The following VPS52 variants were observed in gnomAD, a reference collection of about 807,000 sequenced individuals.
VPS52 encodes the protein VPS52 subunit of GARP complex.
Under a neutral mutation model 98.7 loss-of-function variants are expected in VPS52, and 56 were observed. The observed-to-expected ratio is 0.57, with a 90% CI of 0.46 to 0.71. VPS52 has a LOEUF of 0.71. Among genes scored for constraint, VPS52 ranks in the 30% least tolerant of loss-of-function variants. VPS52 has a pLI of 0.00. For synonymous variants in VPS52, 348 were observed against 346.4 expected, an observed-to-expected ratio of 1.00 and a Z score of -0.05; for missense variants, 742 against 925.9, an observed-to-expected ratio of 0.80 and a Z score of 2.58.
rs1762119729 is a variant in VPS52 at position 33,250,767 on chromosome 6, G to T, written c.*74C>A. 5.8e-6 allele frequency: 9 copies of T among 1,551,522 alleles called. No individual in the cohort carries two copies. The highest frequency in any genetic ancestry group is 3.5e-6 in the Non-Finnish European group (4 of 1,146,574). The stretch of plus-strand genomic sequence containing the variant: ...GGGAAAACTGGAAGGGGTACCCCAG[G>T]TGAAGAAGGGTATGGAATGGGGTGC... On this transcript the variant is annotated 3_prime_UTR_variant, in exon 20 of 20. Transcript: ENST00000445902.
In VPS52 at chr6:33,267,358, A is replaced by G. The variant is rs1764460695; in HGVS notation, c.992-37T>C. The G allele has an allele frequency of 2.0e-6, 3 of 1,535,518 alleles. No homozygotes were observed. The highest frequency in any genetic ancestry group is 1.3e-5 in the South Asian group (1 of 77,778). ...CAGAGTCAGGGAAAACAATGAGACC[A>G]TAACTGGGCCCAAAGACTCACTATC... On this transcript the variant is annotated intron_variant, in intron 10 of 19. Coordinates refer to ENST00000445902, the MANE Select transcript of VPS52 (RefSeq NM_022553.6). The surrounding 1 kb of genome is among the most constrained non-coding windows in gnomAD (Gnocchi z 4.2).
intron 17 of VPS52, among the ~76,000 whole-genome samples, chr6:33,253,731 G>A (rs1159451504): frequency 6.6e-6 from 1 of 151,984 alleles, no homozygotes; most frequent in Non-Finnish European, 1.5e-5. Flanking sequence ...TCCAGCCTGG[G>A]CACTACAGCA....
intron 17 of VPS52, among the ~76,000 whole-genome samples, chr6:33,262,278 C>A (rs886933274): frequency 6.6e-6 from 1 of 152,014 alleles, no homozygotes; most frequent in Non-Finnish European, 1.5e-5. Context: ...AGGGGCTCAC[C>A]ATCACTATTA....
At chr6:33,265,967 AGCAATCCTCCTGCCTCAGCC>A (rs1381069294) in intron 12 of VPS52, among the ~76,000 whole-genome samples, 5 of 152,050 alleles carry the variant, frequency 3.3e-5, no homozygotes, top group African/African-American at 1.2e-4. Context: ...CCCAGGTTCA[AGCAATCCTCCTGCCTCAGCC>A]TCCCGAGTAG....
At chr6:33,260,088 CAT>C (rs1481922553) in intron 17 of VPS52, among the ~76,000 whole-genome samples, 1 of 152,114 alleles carries the variant, frequency 6.6e-6, no homozygotes, top group African/African-American at 2.4e-5. Context: ...TCACACAAGT[CAT>C]ATATGGCAGT....
intron 17 of VPS52, among the ~76,000 whole-genome samples, chr6:33,254,242 C>T (rs1316512641): frequency 6.6e-6 from 1 of 151,992 alleles, no homozygotes; most frequent in Non-Finnish European, 1.5e-5. Flanking sequence ...TCACTGCACT[C>T]CAGCCTGGGC....
In VPS52 at chr6:33,267,089, C is replaced by T; in HGVS notation, c.1125+99G>A. 1 of 1,415,824 alleles carries T rather than the reference C, an allele frequency of 7.1e-7. No homozygotes were observed. Among genetic ancestry groups the T allele is most frequent in the Non-Finnish European group, 9.3e-7 (1 of 1,076,572 alleles). 87.7% of individuals were successfully genotyped at this position (1,415,824 alleles called of 1,614,324 possible). A position where few individuals can be genotyped will look rare whatever the true frequency, so the allele number is the denominator to read the frequency against. ...ACTCCCAAGTCTAAGGGGATTAAGACAGGGCCTGCAGGTTGGGAAGCTCTG... is the reference window on the plus strand; with the variant it reads ...ACTCCCAAGTCTAAGGGGATTAAGATAGGGCCTGCAGGTTGGGAAGCTCTG... On this transcript the variant is annotated intron_variant, in intron 11 of 19. Transcript: ENST00000445902. This position sits in a 1 kb window ranked among gnomAD's most constrained non-coding sequence, Gnocchi z 4.2.
chr6:33,253,125 G>A (rs1373250717), intron 17 of VPS52, among the ~76,000 whole-genome samples: 1 of 152,042 alleles, frequency 6.6e-6, no homozygotes, highest in African/African-American at 2.4e-5. Flanking sequence ...AGAGGAGATG[G>A]AAGGGAAATC....
intron 17 of VPS52, 98 bp from the exon 18 acceptor site, chr6:33,252,069 T>C: frequency 8.5e-6 from 8 of 943,586 alleles, no homozygotes; most frequent in Non-Finnish European, 1.3e-5. Context: ...GAATGGCATC[T>C]TTCAGCTGCT....
Position 33,266,699 on chromosome 6 carries a change from G to A in VPS52, c.1139C>T (p.Ala380Val). Residue 380 changes from alanine to valine, a missense_variant, in exon 12 of 20, where the codon GCC becomes GTC. This residue lies in a region of VPS52 where 590 missense variants were observed against 793.3 expected (regional missense o/e 0.74). Coordinates refer to ENST00000445902, the MANE Select transcript of VPS52 (RefSeq NM_022553.6). ...QRGEQRYPFE[A>V]LFRSQHYALL... is the part of the protein sequence containing the mutation. ...GGCGTAGTGCTGGCTGCGGAAGAGG[G>A]CCTCAAATGGATACTGGGAGAGGAG... 1 of 1,610,118 alleles carries A rather than the reference G, an allele frequency of 6.2e-7. No individual in the cohort carries two copies. The highest frequency in any genetic ancestry group is 8.5e-7 in the Non-Finnish European group (1 of 1,178,480).
At chr6:33,269,860 G>A in intron 3 of VPS52, 41 bp from the exon 4 acceptor site, 3 of 1,601,958 alleles carry the variant, frequency 1.9e-6, no homozygotes, top group Non-Finnish European at 2.6e-6. Context: ...GGAAGTCTCA[G>A]TAAAGGGACA....
chr6:33,252,452 G>A (rs1008191936), intron 17 of VPS52, among the ~76,000 whole-genome samples: 3 of 152,088 alleles, frequency 2.0e-5, no homozygotes, highest in Admixed American at 2.0e-4. Context: ...AGCTGGGCAT[G>A]ATGGTGGATG....
rs1289081240 is a variant in VPS52 at position 33,266,837 on chromosome 6, T to C, written c.1126-125A>G. 1.9e-5 allele frequency: 25 copies of C among 1,283,058 alleles called. No homozygotes were observed. The East Asian group carries it at 6.2e-4, about 32-fold the overall frequency. The allele number at this position is 1,283,058 out of a possible 1,614,324, so 79.5% of individuals were successfully genotyped here. A position where few individuals can be genotyped will look rare whatever the true frequency, so the allele number is the denominator to read the frequency against. On this transcript the variant is annotated intron_variant, in intron 11 of 19. Coordinates refer to ENST00000445902, the MANE Select transcript of VPS52 (RefSeq NM_022553.6). ...GCTAGGCAGACCCTTCGCATCTATCTAGGTCCGGGCTGTCTAAGAGCAAGC... is the reference window on the plus strand; with the variant it reads ...GCTAGGCAGACCCTTCGCATCTATCCAGGTCCGGGCTGTCTAAGAGCAAGC...
chr6:33,268,141 T>G lies in VPS52; in HGVS notation c.767A>C (p.Tyr256Ser). 6.2e-7 allele frequency: 1 copy of G among 1,613,044 alleles called. No homozygotes were observed. The highest frequency in any genetic ancestry group is 8.5e-7 in the Non-Finnish European group (1 of 1,180,020). ...CAGCAGGGCCGTCTGGGGGATCTGA[T>G]AGTTGGTCATGGGTTTCCTGAAGGA... ...IYSFRKPMTN[Y>S]QIPQTALLKY... The change falls in exon 8 of 20, where the codon TAT becomes TCT. Residue 256 changes from tyrosine (Y) to serine (S), a missense_variant. Tyr to Ser is a moderately radical substitution (Grantham distance 144, BLOSUM62 -2). Around this residue, in one of 2 missense-constraint regions of VPS52, gnomAD observed 590 missense variants for 793.3 expected, o/e 0.74. Transcript: ENST00000445902. The surrounding 1 kb of genome is among the most constrained non-coding windows in gnomAD (Gnocchi z 4.0).
chr6:33,261,888 A>G (rs1241246949), intron 17 of VPS52, among the ~76,000 whole-genome samples: 1 of 151,918 alleles, frequency 6.6e-6, no homozygotes, highest in African/African-American at 2.4e-5. Context: ...TAAAAATACA[A>G]AATTAGCCAG....
At chr6:33,251,347 A>C (rs1232846977) in intron 19 of VPS52, among the ~76,000 whole-genome samples, 171 bp downstream of exon 19, 11 of 152,092 alleles carry the variant, frequency 7.2e-5, no homozygotes, top group Admixed American at 2.0e-4. Context: ...GTCTCAAAAA[A>C]AAAACAAAAC....
Position 33,267,214 on chromosome 6 carries a change from G to C in VPS52, c.1099C>G (p.His367Asp). ...CTCTGCTCTCCGCGCTGCGCTGTGT[G>C]AGGCACCAGGATGGGGGCCTCAAGT... is the stretch of plus-strand genomic sequence containing the variant. ...TELEAPILVP[H>D]TAQRGEQRYP... Residue 367 changes from histidine (H) to aspartate (D), a missense_variant, in exon 11 of 20, where the codon CAC becomes GAC. Around this residue, in one of 2 missense-constraint regions of VPS52, gnomAD observed 590 missense variants for 793.3 expected, o/e 0.74. Coordinates refer to ENST00000445902, the MANE Select transcript of VPS52 (RefSeq NM_022553.6). This position sits in a 1 kb window ranked among gnomAD's most constrained non-coding sequence, Gnocchi z 4.2. 1 of 1,581,152 alleles carries C rather than the reference G, an allele frequency of 6.3e-7. No homozygotes were observed. Among genetic ancestry groups the C allele is most frequent in the Non-Finnish European group, 8.6e-7 (1 of 1,165,068 alleles).
At position 33,250,637 on chromosome 6, in the gene VPS52, G is replaced by C; in HGVS notation, c.*204C>G. Reference sequence around the variant, plus strand: ...ACAGGGAAGTGGTCTTGGGAAACCTGAAGACACTGGGATATTCAGAAGGCC... The same window carrying C: ...ACAGGGAAGTGGTCTTGGGAAACCTCAAGACACTGGGATATTCAGAAGGCC... On this transcript the variant is annotated 3_prime_UTR_variant, in exon 20 of 20. Coordinates refer to ENST00000445902, the MANE Select transcript of VPS52 (RefSeq NM_022553.6). The C allele has an allele frequency of 1.6e-6, 1 of 633,576 alleles. No individual in the cohort carries two copies. Among genetic ancestry groups the C allele is most frequent in the Non-Finnish European group, 2.6e-6 (1 of 383,342 alleles). 39.2% of individuals were successfully genotyped at this position (633,576 alleles called of 1,614,324 possible).
At chr6:33,270,337 A>T in intron 1 of VPS52, 54 bp from the exon 2 acceptor site, 1 of 1,518,700 alleles carries the variant, frequency 6.6e-7, no homozygotes, top group Admixed American at 1.8e-5. Context: ...AGAAAGAAAA[A>T]ATATAATTGG....
Sources: gnomAD v4.1 joint callset for allele counts (sites outside exome capture counted in the v4.1 genomes callset) on GRCh38, gnomAD v4.1.1 for gene constraint, gnomAD v4.1.1 regional missense constraint, Gnocchi (gnomAD v3.1) non-coding constraint, MANE v1.5 for transcripts, NCBI Gene and HGNC (gene_info 2026-07-23, HGNC 2026-07-21) for gene names.